The following FOXP1 variants were observed in gnomAD, a reference collection of about 807,000 sequenced individuals.
FOXP1 encodes forkhead box P1, also known as forkhead box protein P1.
In FOXP1, 15 loss-of-function variants were observed where a neutral mutation model predicts 98.2. The ratio of observed to expected loss-of-function variants is 0.15; its 90% CI spans 0.10 to 0.24. The LOEUF (loss-of-function observed/expected upper bound fraction) is 0.24, where lower values mean the gene tolerates loss of function less well. FOXP1 is among the 10% of genes least tolerant of loss of function. The pLI is 1.00. For synonymous variants in FOXP1, 371 were observed against 314.5 expected (o/e 1.18, Z -1.90); for missense variants, 633 against 848.5 (o/e 0.75, Z 3.15).
intron 7 of FOXP1, among the ~76,000 whole-genome samples, chr3:71,062,969 C>T (rs1364231489): frequency 6.6e-6 from 1 of 152,186 alleles, no homozygotes; most frequent in Non-Finnish European, 1.5e-5. Flanking sequence ...TTGCTTATCT[C>T]ATGCCTTAGA....
intron 14 of FOXP1, among the ~76,000 whole-genome samples, chr3:70,979,316 A>AAAAAAAG (rs1553670621): frequency 5.2e-5 from 5 of 96,504 alleles, no homozygotes; most frequent in African/African-American, 1.7e-4. Flanking sequence ...AAAAAAAAAA[A>AAAAAAAG]AAAAGAAAAA....
chr3:71,023,358 G>A (rs1350804254), intron 11 of FOXP1, among the ~76,000 whole-genome samples: 1 of 152,164 alleles, frequency 6.6e-6, no homozygotes, highest in Non-Finnish European at 1.5e-5. Context: ...TGTCTGCACG[G>A]TAAGAGACTG....
chr3:71,198,840 T>C (rs2063478238), intron 5 of FOXP1, among the ~76,000 whole-genome samples: 1 of 151,750 alleles, frequency 6.6e-6, no homozygotes, highest in Non-Finnish European at 1.5e-5. Context: ...TACAGGTGCA[T>C]GCCACCATGC....
chr3:71,122,016 C>CTTTTTT (rs1469528884), intron 6 of FOXP1, among the ~76,000 whole-genome samples: 5 of 152,172 alleles, frequency 3.3e-5, no homozygotes, highest in Non-Finnish European at 5.9e-5. Flanking sequence ...AGATTCACAT[C>CTTTTTT]TTTTCATACC....
chr3:71,324,364 C>T (rs1342483750), intron 4 of FOXP1, among the ~76,000 whole-genome samples: 1 of 152,148 alleles, frequency 6.6e-6, no homozygotes, highest in Admixed American at 6.5e-5. Flanking sequence ...TTGGAACCAA[C>T]CCAAATGCCC....
chr3:71,413,247 AT>A (rs1247655043), intron 3 of FOXP1, among the ~76,000 whole-genome samples: 4 of 32,082 alleles, frequency 1.2e-4, no homozygotes, highest in Non-Finnish European at 2.2e-4. Flanking sequence ...ACACACACAC[AT>A]CCCCCAAATA....
chr3:71,433,810 C>T (rs2084954526), intron 3 of FOXP1, among the ~76,000 whole-genome samples: 1 of 152,138 alleles, frequency 6.6e-6, no homozygotes, highest in African/African-American at 2.4e-5. Flanking sequence ...TGTGAATGCC[C>T]TGGTCGGCAG....
chr3:71,090,443 C>G (rs1186944246), intron 7 of FOXP1, among the ~76,000 whole-genome samples: 1 of 152,122 alleles, frequency 6.6e-6, no homozygotes. Context: ...GAAAAAGTAA[C>G]AGGGCAATGA....
intron 6 of FOXP1, among the ~76,000 whole-genome samples, chr3:71,131,106 T>G (rs2059546134): frequency 6.6e-6 from 1 of 152,002 alleles, no homozygotes. Flanking sequence ...GAGGATTTTG[T>G]CACATGTATT....
At chr3:71,342,863 C>T (rs1047209126) in intron 4 of FOXP1, among the ~76,000 whole-genome samples, 2 of 152,118 alleles carry the variant, frequency 1.3e-5, no homozygotes, top group Non-Finnish European at 2.9e-5. Flanking sequence ...AGTATCAGAA[C>T]CAGGAAATTA....
At chr3:71,460,943 G>A (rs747066842) in intron 3 of FOXP1, among the ~76,000 whole-genome samples, 4 of 152,048 alleles carry the variant, frequency 2.6e-5, no homozygotes, top group Admixed American at 2.0e-4. Context: ...TTTGACTGTC[G>A]GGAATAGCTC....
intron 7 of FOXP1, chr3:71,065,074 C>CCGCGCCCCGCGCCCG (rs1436890137): frequency 6.8e-6 from 1 of 147,644 alleles, no homozygotes; most frequent in Admixed American, 6.7e-5. Context: ...GCTCCGCGGC[C>CCGCGCCCCGCGCCCG]CGCGCCCCGC....
intron 7 of FOXP1, among the ~76,000 whole-genome samples, chr3:71,054,237 T>C (rs557361353): frequency 3.9e-5 from 6 of 152,360 alleles, no homozygotes; most frequent in Admixed American, 2.6e-4. Flanking sequence ...TCAATGCTTA[T>C]ACTTGCTGGG....
Position 71,386,741 on chromosome 3 carries a change from C to CAAAA in FOXP1, c.-167-27501_-167-27498dup, listed in dbSNP as rs5850010. ...CTGTTGACAAAGCAAGATTCCGTCT[C>CAAAA]AAAAAAAAAAAAAAAAAAAAGAATC... is the stretch of plus-strand genomic sequence containing the variant. On this transcript the variant is annotated intron_variant, in intron 3 of 20. Coordinates refer to ENST00000649528, the MANE Select transcript of FOXP1 (RefSeq NM_001349338.3). Among the ~76,000 whole-genome samples, 96 of 90,826 alleles carry CAAAA rather than the reference C, an allele frequency of 1.1e-3. 1 individual carries two copies. The highest frequency in any genetic ancestry group is 2.2e-3 in the African/African-American group (47 of 21,192). The allele number at this position is 90,826 out of a possible 152,430, so 59.6% of individuals were successfully genotyped here. A position where few individuals can be genotyped will look rare whatever the true frequency, so the allele number is the denominator to read the frequency against.
At chr3:71,486,575 T>C (rs899165579) in intron 3 of FOXP1, among the ~76,000 whole-genome samples, 1 of 152,202 alleles carries the variant, frequency 6.6e-6, no homozygotes, top group African/African-American at 2.4e-5. Context: ...TTCCGCACTC[T>C]GCTTTTCATG....
intron 4 of FOXP1, among the ~76,000 whole-genome samples, chr3:71,351,585 C>A (rs1297984009): frequency 1.3e-5 from 2 of 152,246 alleles, no homozygotes; most frequent in East Asian, 3.8e-4. Context: ...GTCTTCTACT[C>A]TGTTAGCCAA....
intron 2 of FOXP1, among the ~76,000 whole-genome samples, chr3:71,527,018 G>T (rs541905134): frequency 2.4e-4 from 36 of 151,654 alleles, no homozygotes; most frequent in African/African-American, 8.5e-4. Flanking sequence ...GCCCTACATG[G>T]CTTGGTGAGC....
intron 6 of FOXP1, among the ~76,000 whole-genome samples, chr3:71,115,049 G>A (rs1352348805): frequency 6.6e-6 from 1 of 152,132 alleles, no homozygotes; most frequent in Non-Finnish European, 1.5e-5. Context: ...AAAGGGAACT[G>A]TTATATATTT....
At chr3:71,400,053 C>T (rs1387805993) in intron 3 of FOXP1, among the ~76,000 whole-genome samples, 1 of 152,074 alleles carries the variant, frequency 6.6e-6, no homozygotes, top group Admixed American at 6.5e-5. Flanking sequence ...TTTCCAGATA[C>T]ATAAATTTTT....
Sources: allele counts gnomAD v4.1 joint callset (sites outside exome capture counted in the v4.1 genomes callset), GRCh38; gene constraint gnomAD v4.1.1; transcripts MANE v1.5; gene names NCBI Gene and HGNC (gene_info 2026-07-23, HGNC 2026-07-21).